ABLIM3: variants seen among roughly 807,000 people sequenced by gnomAD.
The protein encoded by ABLIM3 is actin binding LIM protein family member 3.
Under a neutral mutation model 109.5 loss-of-function variants are expected in ABLIM3, and 61 were observed. The observed-to-expected ratio is 0.56, with a 90% CI of 0.45 to 0.69. The LOEUF (loss-of-function observed/expected upper bound fraction) is 0.69, where lower values mean the gene tolerates loss of function less well. ABLIM3 is among the 30% of genes least tolerant of loss of function. The pLI is 0.00. For synonymous variants in ABLIM3, 300 were observed against 324.8 expected (o/e 0.92, Z 0.82); for missense variants, 796 against 889.5 (o/e 0.89, Z 1.34).
chr5:149,180,030 A>C (rs937398260), intron 2 of ABLIM3, among the ~76,000 whole-genome samples: 9 of 152,208 alleles, frequency 5.9e-5, no homozygotes, highest in Non-Finnish European at 1.0e-4. Context: ...AATCAATCAC[A>C]TAATCTATAA....
chr5:149,144,300 T>C (rs1752731690), intron 2 of ABLIM3, among the ~76,000 whole-genome samples: 1 of 152,124 alleles, frequency 6.6e-6, no homozygotes, highest in South Asian at 2.1e-4. Flanking sequence ...AGCACAGAGC[T>C]TTGAGGGCTT....
Position 149,198,516 on chromosome 5 carries a change from G to C in ABLIM3, c.335+114G>C. ...TTACAAGGTTTGTGCTGCACATTTA[G>C]ATTTCTGGAACCTCAGGTGTGGAGG... is the stretch of plus-strand genomic sequence containing the variant. On this transcript the variant is annotated intron_variant, in intron 4 of 23. Coordinates refer to ENST00000309868, the MANE Select transcript of ABLIM3 (RefSeq NM_014945.5). This position sits in a 1 kb window ranked among gnomAD's most constrained non-coding sequence, Gnocchi z 4.2. The C allele has an allele frequency of 7.6e-7, 1 of 1,307,728 alleles. No individual in the cohort carries two copies. Among genetic ancestry groups the C allele is most frequent in the African/African-American group, 1.5e-5 (1 of 67,212 alleles). The allele number at this position is 1,307,728 out of a possible 1,614,324, so 81.0% of individuals were successfully genotyped here. A position where few individuals can be genotyped will look rare whatever the true frequency, so the allele number is the denominator to read the frequency against.
intron 17 of ABLIM3, among the ~76,000 whole-genome samples, chr5:149,247,399 T>G (rs1561634082): frequency 6.6e-6 from 1 of 152,252 alleles, no homozygotes; most frequent in African/African-American, 2.4e-5. Flanking sequence ...ACATTGTGAA[T>G]GCACTGAATG....
rs1256277889 is a variant in ABLIM3, at chr5:149,252,781, G to T, written c.1882G>T (p.Val628Leu). ...YKIYPYELLL[V>L]TTRGRNRLPK... The stretch of plus-strand genomic sequence containing the variant: ...GATCTACCCTTATGAACTGCTGCTG[G>T]TGACTACAAGAGGAAGAAACCGACT... Residue 628 changes from valine to leucine, a missense_variant, in exon 23 of 24, where the codon GTG becomes TTG. Physicochemically the swap from Val to Leu is conservative, Grantham distance 32. Coordinates refer to ENST00000309868, the MANE Select transcript of ABLIM3 (RefSeq NM_014945.5). The T allele has an allele frequency of 6.2e-7, 1 of 1,613,252 alleles. No homozygotes were observed. The highest frequency in any genetic ancestry group is 1.7e-5 in the Admixed American group (1 of 59,976).
At chr5:149,246,403 C>CT (rs374307667) in intron 16 of ABLIM3, 79 bp from the exon 17 acceptor site, 54 of 1,367,948 alleles carry the variant, frequency 3.9e-5, no homozygotes, top group Non-Finnish European at 5.0e-5. Context: ...AGTGGCTTTT[C>CT]TTTTTTAAAA....
At chr5:149,194,863 T>C (rs984131818) in intron 3 of ABLIM3, among the ~76,000 whole-genome samples, 2 of 152,200 alleles carry the variant, frequency 1.3e-5, no homozygotes, top group Non-Finnish European at 2.9e-5. Flanking sequence ...TCTAAGGAAT[T>C]GGTGATGTTC....
intron 19 of ABLIM3, 112 bp downstream of exon 19, chr5:149,249,956 A>G: frequency 7.7e-7 from 1 of 1,297,632 alleles, no homozygotes; most frequent in Non-Finnish European, 1.1e-6. Context: ...GTCCCAGCCC[A>G]CTCCTGATCT....
intron 8 of ABLIM3, among the ~76,000 whole-genome samples, chr5:149,230,006 A>G (rs1761691915): frequency 6.6e-6 from 1 of 152,244 alleles, no homozygotes; most frequent in Non-Finnish European, 1.5e-5. Flanking sequence ...TCCCCCTTAA[A>G]TGTGATAGCT....
At chr5:149,201,042 G>C (rs1296466147) in intron 5 of ABLIM3, among the ~76,000 whole-genome samples, 1 of 152,164 alleles carries the variant, frequency 6.6e-6, no homozygotes. Context: ...TAGGGATAAA[G>C]GCAGCATCTG....
intron 8 of ABLIM3, among the ~76,000 whole-genome samples, chr5:149,229,139 A>G (rs1042088687): frequency 6.6e-6 from 1 of 152,208 alleles, no homozygotes; most frequent in Admixed American, 6.5e-5. Flanking sequence ...GCTCTCTCTA[A>G]TAACTCCCTA....
chr5:149,195,911 G>A (rs553531984), intron 3 of ABLIM3, among the ~76,000 whole-genome samples: 5 of 152,342 alleles, frequency 3.3e-5, no homozygotes, highest in African/African-American at 1.2e-4. Flanking sequence ...TCCACACTGA[G>A]TTTAAAATGT....
At chr5:149,228,436 A>T (rs375372099) in intron 8 of ABLIM3, among the ~76,000 whole-genome samples, 2 of 152,228 alleles carry the variant, frequency 1.3e-5, no homozygotes, top group East Asian at 1.9e-4. Context: ...GTAGGGTCCA[A>T]TGAGTCATTC....
rs751304369 is a variant in ABLIM3 at position 149,259,725 on chromosome 5, G to T, written c.*1321G>T. The T allele has an allele frequency of 2.2e-5, 19 of 882,876 alleles. No homozygotes were observed. The highest frequency in any genetic ancestry group is 5.0e-5 in the African/African-American group (3 of 60,228). The allele number at this position is 882,876 out of a possible 1,614,324, so 54.7% of individuals were successfully genotyped here. A position where few individuals can be genotyped will look rare whatever the true frequency, so the allele number is the denominator to read the frequency against. ...TTTCACCTTGAATGGGTAATGTTTGGTGGGGGCTGTTCCTTCTTGGAGAAG... is the reference window on the plus strand; with the variant it reads ...TTTCACCTTGAATGGGTAATGTTTGTTGGGGGCTGTTCCTTCTTGGAGAAG... On this transcript the variant is annotated 3_prime_UTR_variant, in exon 24 of 24. Coordinates refer to ENST00000309868, the MANE Select transcript of ABLIM3 (RefSeq NM_014945.5).
intron 2 of ABLIM3, among the ~76,000 whole-genome samples, chr5:149,171,267 A>T (rs1755392316): frequency 6.6e-6 from 1 of 152,166 alleles, no homozygotes; most frequent in Non-Finnish European, 1.5e-5. Flanking sequence ...ACATCTCCAC[A>T]CTGTTTAGTC....
At chr5:149,255,021 G>C (rs1754307338) in intron 23 of ABLIM3, among the ~76,000 whole-genome samples, 2 of 152,202 alleles carry the variant, frequency 1.3e-5, no homozygotes, top group Admixed American at 1.3e-4. Flanking sequence ...CTATGACCCT[G>C]TCCTCAAGGA....
At chr5:149,195,663 G>A (rs923824754) in intron 3 of ABLIM3, among the ~76,000 whole-genome samples, 2 of 152,202 alleles carry the variant, frequency 1.3e-5, no homozygotes, top group African/African-American at 4.8e-5. Flanking sequence ...TTCCAATGAG[G>A]TTGTAGGCCA....
At chr5:149,173,185 G>A (rs1755600740) in intron 2 of ABLIM3, among the ~76,000 whole-genome samples, 1 of 152,200 alleles carries the variant, frequency 6.6e-6, no homozygotes, top group South Asian at 2.1e-4. Flanking sequence ...TCTGTGGGAA[G>A]GGTTCTGTCA....
intron 3 of ABLIM3, among the ~76,000 whole-genome samples, chr5:149,189,410 GAA>G (rs1178428681): frequency 6.6e-6 from 1 of 152,132 alleles, no homozygotes; most frequent in Non-Finnish European, 1.5e-5. Flanking sequence ...TCAAGAATGT[GAA>G]AAGACAACCC....
At chr5:149,216,471 G>C (rs1760099945) in intron 7 of ABLIM3, 1 of 153,960 alleles carries the variant, frequency 6.5e-6, no homozygotes, top group Non-Finnish European at 1.4e-5. Flanking sequence ...GCACCGAACT[G>C]GTACTTCGTC....
Sources: allele counts gnomAD v4.1 joint callset (sites outside exome capture counted in the v4.1 genomes callset), GRCh38; gene constraint gnomAD v4.1.1; non-coding constraint Gnocchi (gnomAD v3.1); transcripts MANE v1.5; gene names NCBI Gene and HGNC (gene_info 2026-07-23, HGNC 2026-07-21).